CDCA8: variants seen among roughly 807,000 people sequenced by gnomAD.
CDCA8 encodes the protein cell division cycle associated 8.
CDCA8 carries 25 observed loss-of-function variants against 40.0 expected under a neutral mutation model. The ratio of observed to expected loss-of-function variants is 0.63; its 90% CI spans 0.46 to 0.87. The LOEUF is 0.87. Ranked by LOEUF, CDCA8 falls within the 40% of genes least tolerant of loss-of-function variation. CDCA8 has a pLI of 0.00. For missense variants in CDCA8, 280 were observed against 348.4 expected, an observed-to-expected ratio of 0.80 and a Z score of 1.56; for synonymous variants, 111 against 126.5, an observed-to-expected ratio of 0.88 and a Z score of 0.82.
chr1:37,694,862 G>A lies in CDCA8; in HGVS notation c.224-1048G>A, dbSNP rs373009110. ...TCTAACCTAACTTTTTATTCTACAT[G>A]TAAATCTCACAAAGACCTTTTCATT... On this transcript the variant is annotated intron_variant, in intron 2 of 9. Transcript: ENST00000373055. Among the ~76,000 whole-genome samples, 31 of 152,340 alleles carry A rather than the reference G, an allele frequency of 2.0e-4. No homozygotes were observed. The South Asian group carries it at 6.2e-3, about 31-fold the overall frequency.
chr1:37,706,941 G>A, intron 8 of CDCA8, 37 bp from the exon 9 acceptor site: 1 of 1,563,880 alleles, frequency 6.4e-7, no homozygotes, highest in Non-Finnish European at 8.8e-7. Context: ...GGCCCTAAGG[G>A]CCATGGCCAG....
Position 37,707,208 on chromosome 1 carries a change from T to C in CDCA8, c.798+144T>C, listed in dbSNP as rs1645607896. The C allele has an allele frequency of 4.8e-6, 3 of 624,936 alleles. No individual in the cohort carries two copies. In the African/African-American group the frequency reaches 5.5e-5, roughly 11 times the overall value. 38.7% of individuals were successfully genotyped at this position (624,936 alleles called of 1,614,324 possible). A position where few individuals can be genotyped will look rare whatever the true frequency, so the allele number is the denominator to read the frequency against. On this transcript the variant is annotated intron_variant, in intron 9 of 9. Coordinates refer to ENST00000373055, the MANE Select transcript of CDCA8 (RefSeq NM_001256875.2). ...TCCTTCCCCCAAGAGATTTTGACTC[T>C]TACCCTACTTAGATAGCAGCAGTTC...
At chr1:37,693,706 A>G (rs895907894) in intron 2 of CDCA8, among the ~76,000 whole-genome samples, 2 of 152,186 alleles carry the variant, frequency 1.3e-5, no homozygotes, top group Non-Finnish European at 2.9e-5. Flanking sequence ...GCCAGAAAAT[A>G]GTATTTTTAA....
chr1:37,695,368 TAAA>T (rs71690196), intron 2 of CDCA8, among the ~76,000 whole-genome samples: 1 of 76,472 alleles, frequency 1.3e-5, no homozygotes, highest in South Asian at 6.0e-4. Context: ...CATCTCTACT[TAAA>T]AAAAAAAAAA....
chr1:37,695,246 G>C (rs1357748290), intron 2 of CDCA8, among the ~76,000 whole-genome samples: 2 of 150,880 alleles, frequency 1.3e-5, no homozygotes, highest in Non-Finnish European at 3.0e-5. Flanking sequence ...CAGAGGGCAG[G>C]GCATAGGGTG....
rs369659479 is a variant in CDCA8 at position 37,707,077 on chromosome 1, T to C, written c.798+13T>C. ...TAAGAAGCTCTCCGTAAGTCTCATA[T>C]TCATCTCCACACATAGGATGCCTCC... On this transcript the variant is annotated intron_variant, in intron 9 of 9. Coordinates refer to ENST00000373055, the MANE Select transcript of CDCA8 (RefSeq NM_001256875.2). 266 of 1,604,122 alleles carry C rather than the reference T, an allele frequency of 1.7e-4. No homozygotes were observed. Among genetic ancestry groups the C allele is most frequent in the Non-Finnish European group, 2.1e-4 (248 of 1,170,840 alleles).
chr1:37,706,852 TCCTG>T, intron 8 of CDCA8, 122 bp from the exon 9 acceptor site: 1 of 692,624 alleles, frequency 1.4e-6, no homozygotes, highest in Non-Finnish European at 2.6e-6. Context: ...CTAATATCCT[TCCTG>T]CCTGTCTTGC....
rs973958309 is a variant in CDCA8, at chr1:37,709,416, CCT to C, written c.*1055_*1056del. On this transcript the variant is annotated 3_prime_UTR_variant, in exon 10 of 10. Transcript: ENST00000373055. ...AGTGAGGTCCTCATTCTCCAGCCAG[CCT>C]CTCTGCCCTGGAGAATCATGTGCTA... 14 of 152,120 alleles carry C rather than the reference CCT, an allele frequency of 9.2e-5. No individual in the cohort carries two copies. The highest frequency in any genetic ancestry group is 3.4e-4 in the African/African-American group (14 of 41,398). 9.4% of individuals were successfully genotyped at this position (152,120 alleles called of 1,614,324 possible).
At chr1:37,702,658 G>T (rs1319721158) in intron 6 of CDCA8, among the ~76,000 whole-genome samples, 1 of 152,114 alleles carries the variant, frequency 6.6e-6, no homozygotes, top group Non-Finnish European at 1.5e-5. Context: ...TGATTAAAAA[G>T]TCAGATTCTG....
chr1:37,695,982 G>T (rs1157125318), intron 3 of CDCA8, 32 bp downstream of exon 3: 1 of 1,606,862 alleles, frequency 6.2e-7, no homozygotes, highest in South Asian at 1.1e-5. Context: ...CCAGCCAGTG[G>T]TTACTTAAGT....
At chr1:37,698,806 T>C (rs1645543502) in intron 3 of CDCA8, 99 bp from the exon 4 acceptor site, 2 of 761,578 alleles carry the variant, frequency 2.6e-6, no homozygotes, top group East Asian at 5.4e-5. Flanking sequence ...AACAGTCTTA[T>C]GTATTAAATA....
At position 37,708,463 on chromosome 1, in the gene CDCA8, G is replaced by C. The variant is rs1159023710; in HGVS notation, c.*97G>C. ...CTTATTGTTTGAGTGTGAAGTTCCA[G>C]AGCAAGGAGCCATGTTCCTCTAAGG... On this transcript the variant is annotated 3_prime_UTR_variant, in exon 10 of 10. Coordinates refer to ENST00000373055, the MANE Select transcript of CDCA8 (RefSeq NM_001256875.2). 5 of 1,169,162 alleles carry C rather than the reference G, an allele frequency of 4.3e-6. No homozygotes were observed. The highest frequency in any genetic ancestry group is 6.4e-6 in the Non-Finnish European group (5 of 779,668). 72.4% of individuals were successfully genotyped at this position (1,169,162 alleles called of 1,614,324 possible).
intron 7 of CDCA8, among the ~76,000 whole-genome samples, chr1:37,704,168 C>T (rs897367136): frequency 2.6e-5 from 4 of 152,094 alleles, no homozygotes; most frequent in Non-Finnish European, 5.9e-5. Context: ...CTCCTGAGCT[C>T]AAGCAATCTG....
intron 8 of CDCA8, among the ~76,000 whole-genome samples, chr1:37,706,331 C>A (rs1194718387): frequency 6.6e-6 from 1 of 152,068 alleles, no homozygotes; most frequent in Admixed American, 6.5e-5. Flanking sequence ...TGGTCTCAAA[C>A]TCCTGACCTC....
intron 7 of CDCA8, among the ~76,000 whole-genome samples, chr1:37,704,165 G>T (rs184085562): frequency 1.0e-3 from 159 of 152,032 alleles, no homozygotes; most frequent in Middle Eastern, 3.4e-3. Context: ...GAACTCCTGA[G>T]CTCAAGCAAT....
In CDCA8 at chr1:37,708,776, C is replaced by T. The variant is rs947350881; in HGVS notation, c.*410C>T. ...CTACCCAGAGAACCTCTGCATCTGG[C>T]ATTTCTGCTCTCTATGCTTGAGACC... On this transcript the variant is annotated 3_prime_UTR_variant, in exon 10 of 10. Transcript: ENST00000373055. 3 of 273,934 alleles carry T rather than the reference C, an allele frequency of 1.1e-5. No individual in the cohort carries two copies. Among genetic ancestry groups the T allele is most frequent in the African/African-American group, 6.5e-5 (3 of 46,046 alleles). 17.0% of individuals were successfully genotyped at this position (273,934 alleles called of 1,614,324 possible). A position where few individuals can be genotyped will look rare whatever the true frequency, so the allele number is the denominator to read the frequency against.
At chr1:37,700,709 C>T (rs937322529) in intron 5 of CDCA8, among the ~76,000 whole-genome samples, 188 bp downstream of exon 5, 11 of 152,094 alleles carry the variant, frequency 7.2e-5, no homozygotes, top group African/African-American at 2.4e-4. Flanking sequence ...AGCTAGCAAG[C>T]CTCCCCTACC....
At chr1:37,693,665 C>G (rs1449708709) in intron 2 of CDCA8, among the ~76,000 whole-genome samples, 1 of 152,030 alleles carries the variant, frequency 6.6e-6, no homozygotes. Context: ...TCCCAAAGTG[C>G]TGGGATTACA....
intron 9 of CDCA8, among the ~76,000 whole-genome samples, chr1:37,707,847 AT>A (rs1373242690): frequency 6.6e-6 from 1 of 152,236 alleles, no homozygotes; most frequent in African/African-American, 2.4e-5. Context: ...TATCAATTTA[AT>A]TTAACTGAAG....
Sources: allele counts gnomAD v4.1 joint callset (sites outside exome capture counted in the v4.1 genomes callset), GRCh38; gene constraint gnomAD v4.1.1; transcripts MANE v1.5; gene names NCBI Gene and HGNC (gene_info 2026-07-23, HGNC 2026-07-21).